CNTNAP2: variants seen among roughly 807,000 people sequenced by gnomAD.
CNTNAP2 encodes contactin associated protein 2.
In CNTNAP2, 98 loss-of-function variants were observed where a neutral mutation model predicts 155.2. The ratio of observed to expected loss-of-function variants is 0.63; its 90% CI spans 0.54 to 0.75. CNTNAP2 has a LOEUF of 0.75. Among genes scored for constraint, CNTNAP2 ranks in the 30% least tolerant of loss-of-function variants. The pLI is 0.00. For missense variants in CNTNAP2, 1,727 were observed against 1,688.1 expected, an observed-to-expected ratio of 1.02 and a Z score of -0.40; for synonymous variants, 651 against 631.2, an observed-to-expected ratio of 1.03 and a Z score of -0.47.
intron 1 of CNTNAP2, among the ~76,000 whole-genome samples, chr7:146,743,918 A>G (rs899523776): frequency 1.3e-5 from 2 of 151,840 alleles, no homozygotes; most frequent in African/African-American, 4.9e-5. Context: ...TAGTTTTCTC[A>G]TTCAAAAATG....
intron 1 of CNTNAP2, among the ~76,000 whole-genome samples, chr7:146,624,772 A>T (rs1464250756): frequency 6.6e-6 from 1 of 151,950 alleles, no homozygotes; most frequent in Non-Finnish European, 1.5e-5. Flanking sequence ...GCTTGCTGAG[A>T]GTTTGATTGG....
chr7:147,502,717 ATGTGTGTG>A (rs60449695), intron 11 of CNTNAP2, among the ~76,000 whole-genome samples: 11 of 147,846 alleles, frequency 7.4e-5, no homozygotes, highest in South Asian at 2.1e-4. Flanking sequence ...TCATTTCACA[ATGTGTGTG>A]TGTGTGTGTG....
chr7:148,228,985 C>G (rs374901943), intron 19 of CNTNAP2, among the ~76,000 whole-genome samples: 3 of 152,072 alleles, frequency 2.0e-5, no homozygotes, highest in South Asian at 4.1e-4. Flanking sequence ...CAGATGTCTC[C>G]TCCCTGCAGT....
intron 2 of CNTNAP2, among the ~76,000 whole-genome samples, chr7:146,826,857 T>TATAGAGAGAGAGAG (rs773069615): frequency 2.5e-4 from 35 of 138,974 alleles, no homozygotes; most frequent in African/African-American, 8.4e-4. Flanking sequence ...TATATATATA[T>TATAGAGAGAGAGAG]AGAGAGAGAG....
chr7:147,741,930 A>G (rs978015220), intron 13 of CNTNAP2, among the ~76,000 whole-genome samples: 2 of 152,180 alleles, frequency 1.3e-5, no homozygotes, highest in Non-Finnish European at 1.5e-5. Context: ...CAAAGGAAAG[A>G]TATTTATTGG....
intron 1 of CNTNAP2, among the ~76,000 whole-genome samples, chr7:146,284,985 T>G (rs1006592905): frequency 2.0e-5 from 3 of 152,240 alleles, no homozygotes; most frequent in Non-Finnish European, 4.4e-5. Flanking sequence ...TTCCCAATGA[T>G]GTTCACCCAA....
At chr7:147,863,237 C>T (rs369308529) in intron 13 of CNTNAP2, among the ~76,000 whole-genome samples, 30 of 152,156 alleles carry the variant, frequency 2.0e-4, no homozygotes, top group African/African-American at 3.6e-4. Flanking sequence ...AGCTTCTCCA[C>T]GGCCCTGCAA....
At chr7:146,378,303 A>G (rs1285440399) in intron 1 of CNTNAP2, among the ~76,000 whole-genome samples, 1 of 152,134 alleles carries the variant, frequency 6.6e-6, no homozygotes, top group Admixed American at 6.5e-5. Flanking sequence ...TTGGCTTGAA[A>G]TGTTGCCTTT....
chr7:147,595,439 C>T (rs1344703510), intron 12 of CNTNAP2, among the ~76,000 whole-genome samples: 1 of 152,160 alleles, frequency 6.6e-6, no homozygotes, highest in Non-Finnish European at 1.5e-5. Flanking sequence ...AAATGTTACT[C>T]TATCCAACAT....
intron 1 of CNTNAP2, among the ~76,000 whole-genome samples, chr7:146,571,149 CT>C (rs1223950853): frequency 2.6e-5 from 4 of 152,086 alleles, no homozygotes; most frequent in African/African-American, 7.2e-5. Context: ...CTCTATTAGA[CT>C]TTTTAGTTAA....
At chr7:147,682,961 G>A (rs1795969413) in intron 13 of CNTNAP2, among the ~76,000 whole-genome samples, 1 of 151,866 alleles carries the variant, frequency 6.6e-6, no homozygotes, top group Admixed American at 6.6e-5. Context: ...AACATCTAAA[G>A]GGTTTACACA....
At chr7:146,626,859 C>A (rs879507061) in intron 1 of CNTNAP2, among the ~76,000 whole-genome samples, 1 of 152,054 alleles carries the variant, frequency 6.6e-6, no homozygotes, top group African/African-American at 2.4e-5. Context: ...TAGTTATAAC[C>A]TCATAGCTTT....
intron 1 of CNTNAP2, among the ~76,000 whole-genome samples, chr7:146,320,117 A>G (rs1800976433): frequency 6.6e-6 from 1 of 152,114 alleles, no homozygotes; most frequent in African/African-American, 2.4e-5. Context: ...CTCTGAGTAT[A>G]AATTGTTTAA....
chr7:147,719,408 T>G (rs1232685183), intron 13 of CNTNAP2, among the ~76,000 whole-genome samples: 1 of 152,102 alleles, frequency 6.6e-6, no homozygotes, highest in African/African-American at 2.4e-5. Context: ...TATTCTAATC[T>G]GGCTGGTATT....
At chr7:146,716,194 A>C (rs904794778) in intron 1 of CNTNAP2, among the ~76,000 whole-genome samples, 12 of 146,020 alleles carry the variant, frequency 8.2e-5, no homozygotes, top group African/African-American at 3.1e-4. Context: ...GCGCATTGTT[A>C]GGAAAGCTAA....
At chr7:147,326,610 G>A (rs1795463989) in intron 9 of CNTNAP2, among the ~76,000 whole-genome samples, 1 of 152,188 alleles carries the variant, frequency 6.6e-6, no homozygotes, top group African/African-American at 2.4e-5. Context: ...CTGCTTCACT[G>A]TTTCCACAGC....
intron 14 of CNTNAP2, among the ~76,000 whole-genome samples, chr7:147,925,506 G>A (rs894427623): frequency 9.3e-5 from 14 of 151,290 alleles, no homozygotes; most frequent in Middle Eastern, 3.2e-3. Context: ...TCGCTCTGTC[G>A]CCCAGGTTGA....
At chr7:146,475,118 G>T (rs144663658) in intron 1 of CNTNAP2, among the ~76,000 whole-genome samples, 4 of 152,170 alleles carry the variant, frequency 2.6e-5, no homozygotes, top group African/African-American at 9.6e-5. Context: ...TCTGCAGACT[G>T]GATGTCAAAA....
At chr7:146,644,642 AG>A (rs1306980733) in intron 1 of CNTNAP2, among the ~76,000 whole-genome samples, 2 of 152,136 alleles carry the variant, frequency 1.3e-5, no homozygotes, top group African/African-American at 4.8e-5. Context: ...AAAATGATAA[AG>A]GAGATATCAC....
Sources: gnomAD v4.1 joint callset for allele counts (sites outside exome capture counted in the v4.1 genomes callset) on GRCh38, gnomAD v4.1.1 for gene constraint, MANE v1.5 for transcripts, NCBI Gene and HGNC (gene_info 2026-07-23, HGNC 2026-07-21) for gene names.